The following ARPP21 variants were observed in gnomAD, a reference collection of about 807,000 sequenced individuals.
ARPP21 encodes the protein cAMP regulated phosphoprotein 21.
In ARPP21, 69 loss-of-function variants were observed where a neutral mutation model predicts 113.2. The observed-to-expected ratio is 0.61, with a 90% CI of 0.50 to 0.74. The LOEUF is 0.74. Among genes scored for constraint, ARPP21 ranks in the 30% least tolerant of loss-of-function variants. The pLI, the probability that ARPP21 is intolerant of heterozygous loss-of-function variation, is 0.00. For missense variants in ARPP21, 1,070 were observed against 1,037.4 expected (o/e 1.03, Z -0.43); for synonymous variants, 368 against 375.5 (o/e 0.98, Z 0.23).
At position 35,700,139 on chromosome 3, in the gene ARPP21, C is replaced by T. The variant is rs181406437; in HGVS notation, c.687-6835C>T. ...GCTTTCTCACATGATTGTGCATGTA[C>T]GTAATCCTCCCAAGCAAGTTAAGTA... is the stretch of plus-strand genomic sequence containing the variant. On this transcript the variant is annotated intron_variant, in intron 9 of 20. Transcript: ENST00000684406. 4.6e-5 allele frequency among the ~76,000 whole-genome samples: 7 copies of T among 151,848 alleles called. No homozygotes were observed. In the East Asian group the frequency reaches 7.8e-4, roughly 17 times the overall value.
chr3:35,758,453 T>TG (rs2095649693), intron 19 of ARPP21, among the ~76,000 whole-genome samples: 2 of 152,188 alleles, frequency 1.3e-5, no homozygotes, highest in Non-Finnish European at 2.9e-5. Context: ...CTTTTGTCTT[T>TG]TTAATTTCCC....
At position 35,667,841 on chromosome 3, in the gene ARPP21, A is replaced by AAAGAAGAAGAAGAAGAAGAAGAAG. The variant is rs757542723; in HGVS notation, c.-212-11920_-212-11897dup. Among the ~76,000 whole-genome samples the AAAGAAGAAGAAGAAGAAGAAGAAG allele has an allele frequency of 2.5e-3, 204 of 81,480 alleles. 17 individuals carry two copies. Among genetic ancestry groups the AAAGAAGAAGAAGAAGAAGAAGAAG allele is most frequent in the African/African-American group, 0.01 (172 of 16,726 alleles). The allele number at this position is 81,480 out of a possible 152,430, so 53.5% of individuals were successfully genotyped here. A position where few individuals can be genotyped will look rare whatever the true frequency, so the allele number is the denominator to read the frequency against. ...GATCACCTGCAGTACTTTTATTCTC[A>AAAGAAGAAGAAGAAGAAGAAGAAG]AAGAAGAAGAAGAAGAAGAAGAAGA... On this transcript the variant is annotated intron_variant, in intron 1 of 20. Coordinates refer to ENST00000684406, the MANE Select transcript of ARPP21 (RefSeq NM_001385562.1).
intron 9 of ARPP21, among the ~76,000 whole-genome samples, chr3:35,691,726 GT>G (rs2149657365): frequency 6.6e-6 from 1 of 151,640 alleles, no homozygotes; most frequent in Non-Finnish European, 1.5e-5. Flanking sequence ...GCTTGGAGCT[GT>G]TTTTCTTGAA....
At chr3:35,682,762 C>A in intron 3 of ARPP21, 86 bp from the exon 4 acceptor site, 1 of 1,194,454 alleles carries the variant, frequency 8.4e-7, no homozygotes, top group Admixed American at 2.5e-5. Context: ...TTCTCTCTTT[C>A]TTTCTCTCTC....
At chr3:35,767,208 T>G (rs1024071748) in intron 19 of ARPP21, among the ~76,000 whole-genome samples, 1 of 152,170 alleles carries the variant, frequency 6.6e-6, no homozygotes, top group African/African-American at 2.4e-5. Context: ...TTGGCCATAG[T>G]GATCTCTGGG....
At chr3:35,723,496 T>A (rs2150345143) in intron 14 of ARPP21, among the ~76,000 whole-genome samples, 1 of 152,334 alleles carries the variant, frequency 6.6e-6, no homozygotes, top group African/African-American at 2.4e-5. Context: ...TGCTCTCATA[T>A]TCCACTATTG....
At chr3:35,783,493 C>G (rs2096568644) in intron 19 of ARPP21, among the ~76,000 whole-genome samples, 2 of 152,058 alleles carry the variant, frequency 1.3e-5, no homozygotes, top group Admixed American at 1.3e-4. Context: ...CATCCTACAT[C>G]TATCTCTCTC....
At chr3:35,727,602 A>T (rs2093629639) in intron 14 of ARPP21, among the ~76,000 whole-genome samples, 1 of 152,200 alleles carries the variant, frequency 6.6e-6, no homozygotes, top group Non-Finnish European at 1.5e-5. Context: ...TGGATTATAT[A>T]TTTTGACTTT....
chr3:35,784,034 CTT>C (rs2096580956), intron 19 of ARPP21, among the ~76,000 whole-genome samples: 1 of 152,152 alleles, frequency 6.6e-6, no homozygotes, highest in African/African-American at 2.4e-5. Flanking sequence ...AGTAAGTACT[CTT>C]TCTTCAGTGA....
chr3:35,657,472 C>T (rs967494365), intron 1 of ARPP21, among the ~76,000 whole-genome samples: 8 of 152,084 alleles, frequency 5.3e-5, no homozygotes, highest in Admixed American at 2.6e-4. Flanking sequence ...TCTCAGTGAA[C>T]GAGTTAATAG....
chr3:35,728,322 G>A (rs1276638092), intron 14 of ARPP21, among the ~76,000 whole-genome samples: 7 of 147,082 alleles, frequency 4.8e-5, no homozygotes, highest in African/African-American at 1.5e-4. Flanking sequence ...AGGTTCAAGC[G>A]ATTCTCCTGC....
At chr3:35,777,335 T>A (rs1388371108) in intron 19 of ARPP21, among the ~76,000 whole-genome samples, 1 of 152,160 alleles carries the variant, frequency 6.6e-6, no homozygotes, top group African/African-American at 2.4e-5. Flanking sequence ...CCTGGGAAAG[T>A]GGGAATTAAC....
chr3:35,790,241 A>T (rs1231677352), intron 19 of ARPP21, among the ~76,000 whole-genome samples: 1 of 152,212 alleles, frequency 6.6e-6, no homozygotes, highest in African/African-American at 2.4e-5. Flanking sequence ...TATTATATTC[A>T]CAATTATATG....
chr3:35,727,726 A>G (rs1158238041), intron 14 of ARPP21, among the ~76,000 whole-genome samples: 1 of 152,172 alleles, frequency 6.6e-6, no homozygotes, highest in Non-Finnish European at 1.5e-5. Context: ...GTAATCTATT[A>G]GTTTGAATTT....
intron 11 of ARPP21, among the ~76,000 whole-genome samples, chr3:35,711,552 A>T (rs146063736): frequency 2.9e-4 from 44 of 152,314 alleles, no homozygotes; most frequent in Non-Finnish European, 5.6e-4. Flanking sequence ...ACAAACACTT[A>T]TCATCTCACA....
chr3:35,684,973 T>C, intron 5 of ARPP21: 1 of 984,094 alleles, frequency 1.0e-6, no homozygotes, highest in Non-Finnish European at 1.2e-6. Context: ...TTAATGGAGA[T>C]TGAAAAGGGA....
chr3:35,757,069 ATT>A (rs142766845), intron 19 of ARPP21, among the ~76,000 whole-genome samples: 41 of 136,948 alleles, frequency 3.0e-4, no homozygotes, highest in East Asian at 2.8e-3. Flanking sequence ...CCTTTTAGTG[ATT>A]TTTTTTTTTT....
At position 35,681,898 on chromosome 3, in the gene ARPP21, G is replaced by A. The variant is rs2079021918; in HGVS notation, c.129+18G>A. The A allele has an allele frequency of 1.9e-6, 3 of 1,610,708 alleles. No homozygotes were observed. Among genetic ancestry groups the A allele is most frequent in the Non-Finnish European group, 2.5e-6 (3 of 1,178,126 alleles). ...AACTGCAGGTGAGTGAGCATGAAGA[G>A]ACCCTGACTCTCATACAACTGTGTG... On this transcript the variant is annotated intron_variant, in intron 3 of 20. Transcript: ENST00000684406.
At chr3:35,652,745 G>A (rs989879376) in intron 1 of ARPP21, among the ~76,000 whole-genome samples, 1 of 152,062 alleles carries the variant, frequency 6.6e-6, no homozygotes, top group Non-Finnish European at 1.5e-5. Flanking sequence ...AGATCTACAT[G>A]AAAGGAGTGT....
Sources: gnomAD v4.1 joint callset for allele counts (sites outside exome capture counted in the v4.1 genomes callset) on GRCh38, gnomAD v4.1.1 for gene constraint, MANE v1.5 for transcripts, NCBI Gene and HGNC (gene_info 2026-07-23, HGNC 2026-07-21) for gene names.